Variants in CNTN4 observed in about 807,000 individuals in gnomAD.
The protein encoded by CNTN4 is contactin 4, also known as contactin-4.
CNTN4 carries 77 observed loss-of-function variants against 122.5 expected under a neutral mutation model. That is an observed-to-expected ratio of 0.63 (90% confidence interval 0.52 to 0.76). The LOEUF is 0.76. Ranked by LOEUF, CNTN4 falls within the 30% of genes least tolerant of loss-of-function variation. The probability of loss-of-function intolerance (pLI) is 0.00; values close to 1 mark genes in which losing one functional copy is unlikely to be tolerated. For synonymous variants in CNTN4, 512 were observed against 447.0 expected (o/e 1.15, Z -1.83); for missense variants, 1,256 against 1,259.1 (o/e 1.00, Z 0.04).
intron 2 of CNTN4, among the ~76,000 whole-genome samples, chr3:2,120,358 T>TATATATATATAA (rs2033644131): frequency 5.7e-5 from 3 of 53,010 alleles, no homozygotes; most frequent in African/African-American, 1.7e-4. Flanking sequence ...AGGTTATATA[T>TATATATATATAA]ATATATATAT....
intron 3 of CNTN4, among the ~76,000 whole-genome samples, chr3:2,381,182 A>G (rs945927992): frequency 6.6e-6 from 1 of 150,918 alleles, no homozygotes; most frequent in African/African-American, 2.4e-5. Flanking sequence ...ATTTTTTTGT[A>G]TTTTTAGTAG....
Position 2,583,763 on chromosome 3 carries a change from T to C in CNTN4, c.55+12205T>C, listed in dbSNP as rs569583790. Among the ~76,000 whole-genome samples the C allele has an allele frequency of 6.6e-5, 10 of 152,312 alleles. No individual in the cohort carries two copies. The South Asian group carries it at 1.9e-3, about 28-fold the overall frequency. On this transcript the variant is annotated intron_variant, in intron 4 of 24. Coordinates refer to ENST00000418658, the MANE Select transcript of CNTN4 (RefSeq NM_175607.3). ...ATAACAATTTGTTAAACACCTATAT[T>C]ATTGGGTACTGATAGATGTTGGGTG... is the stretch of plus-strand genomic sequence containing the variant.
At chr3:2,591,006 G>C (rs2080445316) in intron 4 of CNTN4, among the ~76,000 whole-genome samples, 1 of 152,122 alleles carries the variant, frequency 6.6e-6, no homozygotes, top group Admixed American at 6.5e-5. Context: ...CATCACTCCA[G>C]GAGGTCCCTT....
intron 13 of CNTN4, among the ~76,000 whole-genome samples, chr3:2,931,334 C>A (rs2151422515): frequency 6.6e-6 from 1 of 151,048 alleles, no homozygotes; most frequent in African/African-American, 2.4e-5. Context: ...AGGATCCCAT[C>A]TTTAGGAACT....
chr3:2,381,087 C>T (rs1034095855), intron 3 of CNTN4, among the ~76,000 whole-genome samples: 1 of 151,724 alleles, frequency 6.6e-6, no homozygotes, highest in African/African-American at 2.4e-5. Flanking sequence ...CTCACTGCAA[C>T]CTCTGCCTTC....
rs951748163 is a variant in CNTN4, at chr3:2,154,308, C to T, written c.-145+53669C>T. 5.3e-5 allele frequency among the ~76,000 whole-genome samples: 8 copies of T among 151,988 alleles called. No individual in the cohort carries two copies. In the East Asian group the frequency reaches 5.8e-4, roughly 11 times the overall value. Reference sequence around the variant, plus strand: ...AGCTGAGGCAGGAGAATTGCTTGAACCCAGGAGGTGGAGATTGCAGTGAGC... The same window carrying T: ...AGCTGAGGCAGGAGAATTGCTTGAATCCAGGAGGTGGAGATTGCAGTGAGC... On this transcript the variant is annotated intron_variant, in intron 2 of 24. Coordinates refer to ENST00000418658, the MANE Select transcript of CNTN4 (RefSeq NM_175607.3).
chr3:2,604,892 TCTACC>T (rs2081193900), intron 4 of CNTN4, among the ~76,000 whole-genome samples: 2 of 152,218 alleles, frequency 1.3e-5, no homozygotes, highest in Admixed American at 1.3e-4. Context: ...AAATATAAGA[TCTACC>T]CTCTTAGTAC....
At chr3:2,248,501 T>C (rs1215304334) in intron 2 of CNTN4, among the ~76,000 whole-genome samples, 1 of 152,008 alleles carries the variant, frequency 6.6e-6, no homozygotes, top group Non-Finnish European at 1.5e-5. Context: ...GACACTGGTC[T>C]GAAAAAGCCA....
intron 4 of CNTN4, among the ~76,000 whole-genome samples, chr3:2,722,416 TC>T (rs2087919443): frequency 6.6e-6 from 1 of 152,134 alleles, no homozygotes; most frequent in South Asian, 2.1e-4. Flanking sequence ...TTGACATGTT[TC>T]TCAAGCAAGC....
rs180847946 is a variant in CNTN4 at position 2,247,079 on chromosome 3, T to C, written c.-144-92099T>C. Among the ~76,000 whole-genome samples, 12 of 152,152 alleles carry C rather than the reference T, an allele frequency of 7.9e-5. No homozygotes were observed. The East Asian group carries it at 2.1e-3, about 27-fold the overall frequency. Reference sequence around the variant, plus strand: ...AAAGCACATATGCATTGTGTTCTACTATATATTTACACAGGTGCCTTTTCT... The same window carrying C: ...AAAGCACATATGCATTGTGTTCTACCATATATTTACACAGGTGCCTTTTCT... On this transcript the variant is annotated intron_variant, in intron 2 of 24. Coordinates refer to ENST00000418658, the MANE Select transcript of CNTN4 (RefSeq NM_175607.3).
chr3:2,979,347 A>C (rs1255562695), intron 13 of CNTN4, among the ~76,000 whole-genome samples: 1 of 152,184 alleles, frequency 6.6e-6, no homozygotes, highest in African/African-American at 2.4e-5. Flanking sequence ...CTATGTAGGA[A>C]GTGGGGAACC....
intron 6 of CNTN4, among the ~76,000 whole-genome samples, chr3:2,803,058 G>T (rs992620621): frequency 5.9e-5 from 9 of 152,100 alleles, no homozygotes; most frequent in Non-Finnish European, 1.5e-5. Context: ...AACAAATAGA[G>T]GTTCCCAAGT....
intron 13 of CNTN4, among the ~76,000 whole-genome samples, chr3:2,958,395 TTGGACCA>T (rs2094821622): frequency 6.6e-6 from 1 of 152,204 alleles, no homozygotes; most frequent in Non-Finnish European, 1.5e-5. Context: ...GGCCTAGATA[TTGGACCA>T]TGGAAATTCA....
At chr3:2,384,454 G>GA (rs1474782250) in intron 3 of CNTN4, among the ~76,000 whole-genome samples, 2 of 152,152 alleles carry the variant, frequency 1.3e-5, no homozygotes, top group East Asian at 3.8e-4. Flanking sequence ...AAAAGCAAGG[G>GA]AAACTGCTTA....
intron 3 of CNTN4, among the ~76,000 whole-genome samples, chr3:2,531,206 T>A (rs2077583334): frequency 6.6e-6 from 1 of 152,194 alleles, no homozygotes; most frequent in Admixed American, 6.5e-5. Context: ...CTCATCCTCC[T>A]CTGTTAGCCA....
chr3:2,149,617 C>A (rs1418752956), intron 2 of CNTN4, among the ~76,000 whole-genome samples: 1 of 152,114 alleles, frequency 6.6e-6, no homozygotes, highest in African/African-American at 2.4e-5. Context: ...TATGTAGATA[C>A]TACTCTAGGT....
chr3:2,160,634 T>C (rs921620582), intron 2 of CNTN4, among the ~76,000 whole-genome samples: 4 of 152,194 alleles, frequency 2.6e-5, no homozygotes, highest in Non-Finnish European at 2.9e-5. Context: ...ATCACTCTGA[T>C]CACCTGTCTA....
At chr3:2,980,729 A>G (rs957459081) in intron 13 of CNTN4, among the ~76,000 whole-genome samples, 12 of 152,206 alleles carry the variant, frequency 7.9e-5, no homozygotes, top group African/African-American at 2.9e-4. Context: ...CCTCTCCTGC[A>G]AGAGAGAGGA....
Position 2,350,034 on chromosome 3 carries a change from A to G in CNTN4, c.-89+10801A>G, listed in dbSNP as rs139039913. On this transcript the variant is annotated intron_variant, in intron 3 of 24. Transcript: ENST00000418658. ...CCGTTAAGATCTATTTTGAAGTGAG[A>G]CAGGCGCTTGTCTCAAAGGTCAGGG... is the stretch of plus-strand genomic sequence containing the variant. 2.3e-3 allele frequency among the ~76,000 whole-genome samples: 345 copies of G among 152,284 alleles called. 2 individuals are homozygous for G. The highest frequency in any genetic ancestry group is 7.7e-3 in the African/African-American group (322 of 41,564).
Sources: allele counts gnomAD v4.1 joint callset (sites outside exome capture counted in the v4.1 genomes callset), GRCh38; gene constraint gnomAD v4.1.1; transcripts MANE v1.5; gene names NCBI Gene and HGNC (gene_info 2026-07-23, HGNC 2026-07-21).